The following NUP93 variants were observed in gnomAD, a reference collection of about 807,000 sequenced individuals.
The protein encoded by NUP93 is nucleoporin 93, also known as nuclear pore complex protein Nup93.
In NUP93, 55 loss-of-function variants were observed where a neutral mutation model predicts 107.8. The observed-to-expected ratio is 0.51, with a 90% CI of 0.41 to 0.64. NUP93 has a LOEUF of 0.64. NUP93 is among the 30% of genes least tolerant of loss of function. The pLI is 0.00. For synonymous variants in NUP93, 390 were observed against 397.5 expected (o/e 0.98, Z 0.22); for missense variants, 937 against 1,044.7 (o/e 0.90, Z 1.42).
intron 1 of NUP93, among the ~76,000 whole-genome samples, chr16:56,747,639 G>T (rs961997505): frequency 2.0e-5 from 3 of 152,184 alleles, no homozygotes; most frequent in Admixed American, 6.5e-5. Flanking sequence ...AGAGTTAGTG[G>T]TGGTTAGTCC....
intron 21 of NUP93, among the ~76,000 whole-genome samples, chr16:56,843,090 G>A (rs1185702265): frequency 1.3e-5 from 2 of 152,188 alleles, no homozygotes; most frequent in Non-Finnish European, 2.9e-5. Flanking sequence ...AGGAATGTGG[G>A]TAACAGTGCT....
chr16:56,776,954 C>G (rs1962426092), intron 3 of NUP93, among the ~76,000 whole-genome samples: 1 of 152,164 alleles, frequency 6.6e-6, no homozygotes. Context: ...CAAGTTCTTG[C>G]TGAAAGTCTC....
chr16:56,767,381 A>G (rs1332285846), intron 3 of NUP93, among the ~76,000 whole-genome samples: 2 of 152,224 alleles, frequency 1.3e-5, no homozygotes, highest in African/African-American at 4.8e-5. Flanking sequence ...CATATTTGCA[A>G]TGAAGACTAG....
At chr16:56,833,764 C>T (rs1963851897) in intron 13 of NUP93, among the ~76,000 whole-genome samples, 1 of 152,060 alleles carries the variant, frequency 6.6e-6, no homozygotes, top group Non-Finnish European at 1.5e-5. Flanking sequence ...ATGTGCATAC[C>T]TGCCTGGGAT....
At chr16:56,742,030 G>A (rs1961747887) in intron 1 of NUP93, among the ~76,000 whole-genome samples, 1 of 152,222 alleles carries the variant, frequency 6.6e-6, no homozygotes, top group Admixed American at 6.5e-5. Context: ...TAACTGGGCT[G>A]TTTGGATTGT....
chr16:56,792,533 C>T (rs372694646), intron 3 of NUP93, among the ~76,000 whole-genome samples: 2 of 152,178 alleles, frequency 1.3e-5, no homozygotes, highest in Admixed American at 6.5e-5. Context: ...CTCAAGAAAC[C>T]GTTTTGTACA....
At chr16:56,778,386 G>C (rs1962454077) in intron 3 of NUP93, among the ~76,000 whole-genome samples, 1 of 152,126 alleles carries the variant, frequency 6.6e-6, no homozygotes, top group African/African-American at 2.4e-5. Context: ...GAGTGTAGGC[G>C]GCAGGTGTTG....
chr16:56,735,179 TTGG>T (rs1255798602), intron 1 of NUP93, among the ~76,000 whole-genome samples: 1 of 152,094 alleles, frequency 6.6e-6, no homozygotes, highest in Non-Finnish European at 1.5e-5. Flanking sequence ...AGGACTTGAG[TTGG>T]TGGTAATAAT....
rs1963541165 is a variant in NUP93 at position 56,821,528 on chromosome 16, G to A, written c.589G>A (p.Val197Ile). 2 of 1,611,966 alleles carry A rather than the reference G, an allele frequency of 1.2e-6. No homozygotes were observed. Among genetic ancestry groups the A allele is most frequent in the South Asian group, 2.2e-5 (2 of 91,024 alleles). Residue 197 changes from valine to isoleucine, a missense_variant, in exon 7 of 22, where the codon GTA (valine) becomes ATA (isoleucine). Val to Ile is a conservative substitution (Grantham distance 29). Coordinates refer to ENST00000308159, the MANE Select transcript of NUP93 (RefSeq NM_014669.5). ...RQIYIYNEKI[V>I]NGHLQPNLVD... ...GATTTATATCTATAATGAGAAAATT[G>A]TAAATGGACACCTGCAGCCTAACCT...
At chr16:56,783,803 A>G (rs1170365473) in intron 3 of NUP93, 3 of 985,330 alleles carry the variant, frequency 3.0e-6, no homozygotes, top group East Asian at 1.1e-4. Context: ...GAATTTGCAC[A>G]TTGTATAGAA....
chr16:56,753,496 C>G (rs1299785872), intron 2 of NUP93, among the ~76,000 whole-genome samples: 1 of 152,184 alleles, frequency 6.6e-6, no homozygotes, highest in Non-Finnish European at 1.5e-5. Context: ...GTCAATGGAT[C>G]AACAGCATCA....
chr16:56,834,742 G>A lies in NUP93; in HGVS notation c.1746G>A (p.Met582Ile). ...CTTTTTTCCTTCCACAGTTCGATAT[G>A]ATTCTTGGGAAACTAGAGAATGACG... ...ELVIESREFD[M>I]ILGKLENDGS... Residue 582 changes from methionine (M) to isoleucine (I), a missense_variant, in exon 16 of 22, where the codon ATG (methionine) becomes ATA (isoleucine). Physicochemically the swap from Met to Ile is conservative, Grantham distance 10. Coordinates refer to ENST00000308159, the MANE Select transcript of NUP93 (RefSeq NM_014669.5). 1 of 1,612,080 alleles carries A rather than the reference G, an allele frequency of 6.2e-7. No individual in the cohort carries two copies. Among genetic ancestry groups the A allele is most frequent in the Non-Finnish European group, 8.5e-7 (1 of 1,178,572 alleles).
chr16:56,749,582 G>A (rs1961882576), intron 2 of NUP93, among the ~76,000 whole-genome samples: 1 of 152,194 alleles, frequency 6.6e-6, no homozygotes, highest in African/African-American at 2.4e-5. Flanking sequence ...TTGAACTTGA[G>A]AAAGAACTAA....
intron 3 of NUP93, among the ~76,000 whole-genome samples, chr16:56,762,070 A>G (rs1288505941): frequency 6.6e-6 from 1 of 152,220 alleles, no homozygotes; most frequent in African/African-American, 2.4e-5. Flanking sequence ...ATAACAGGAC[A>G]TACTACTAAA....
At chr16:56,757,988 A>G (rs1596775607) in intron 2 of NUP93, among the ~76,000 whole-genome samples, 1 of 152,002 alleles carries the variant, frequency 6.6e-6, no homozygotes, top group African/African-American at 2.4e-5. Context: ...GGAGAATCAC[A>G]TGAACCTGGG....
At chr16:56,771,987 C>G (rs1311793542) in intron 3 of NUP93, among the ~76,000 whole-genome samples, 1 of 152,146 alleles carries the variant, frequency 6.6e-6, no homozygotes, top group East Asian at 1.9e-4. Flanking sequence ...TGGATACCAC[C>G]TTCTCTGTTC....
chr16:56,786,129 A>T (rs1408764263), intron 3 of NUP93, among the ~76,000 whole-genome samples: 2 of 152,106 alleles, frequency 1.3e-5, no homozygotes, highest in Non-Finnish European at 2.9e-5. Context: ...CACCTTCAAA[A>T]ACAAAGCTTA....
intron 5 of NUP93, among the ~76,000 whole-genome samples, chr16:56,817,893 T>A (rs62037023): frequency 0.042 from 6,375 of 152,304 alleles, 158 homozygotes; most frequent in Middle Eastern, 0.051. Context: ...AACCGTCTAG[T>A]GTGTGTAAGT....
At position 56,839,571 on chromosome 16, in the gene NUP93, G is replaced by A; in HGVS notation, c.2187G>A (p.Glu729=). 1 of 1,614,060 alleles carries A rather than the reference G, an allele frequency of 6.2e-7. No homozygotes were observed. Among genetic ancestry groups the A allele is most frequent in the Non-Finnish European group, 8.5e-7 (1 of 1,179,966 alleles). ...CCCTGAATCAGGAAAGTGTGGAAGA[G>A]AGAGTGGCTGCCTTCAGAAATTTCA... ...LVPLNQESVE[E]RVAAFRNFSD... The change falls in exon 20 of 22, where the codon GAG becomes GAA. Residue 729 remains glutamate, a synonymous_variant. Transcript: ENST00000308159.
Sources: gnomAD v4.1 joint callset for allele counts (sites outside exome capture counted in the v4.1 genomes callset) on GRCh38, gnomAD v4.1.1 for gene constraint, MANE v1.5 for transcripts, NCBI Gene and HGNC (gene_info 2026-07-23, HGNC 2026-07-21) for gene names.